Variants in BFSP2 observed in about 807,000 individuals in gnomAD.
BFSP2 encodes beaded filament structural protein 2.
In BFSP2, 38 loss-of-function variants were observed where a neutral mutation model predicts 44.9. That is an observed-to-expected ratio of 0.85 (90% confidence interval 0.65 to 1.11). The LOEUF (loss-of-function observed/expected upper bound fraction) is 1.11. Ranked by LOEUF, BFSP2 falls within the 50% of genes least tolerant of loss-of-function variation. The pLI is 0.00. For synonymous variants in BFSP2, 197 were observed against 209.9 expected, an observed-to-expected ratio of 0.94 and a Z score of 0.53; for missense variants, 525 against 533.0, an observed-to-expected ratio of 0.99 and a Z score of 0.15.
intron 1 of BFSP2, among the ~76,000 whole-genome samples, chr3:133,412,087 G>A (rs1182574745): frequency 1.3e-5 from 2 of 152,188 alleles, no homozygotes; most frequent in African/African-American, 2.4e-5. Context: ...TGCCAGTACA[G>A]GCTGAAATAT....
At chr3:133,452,315 C>T (rs111625650) in intron 4 of BFSP2, among the ~76,000 whole-genome samples, 2,414 of 152,290 alleles carry the variant, frequency 0.016, 68 homozygotes, top group African/African-American at 0.055. Flanking sequence ...GCCTAGAAAA[C>T]ATCCTTTCAC....
At chr3:133,446,175 C>G (rs1216983463) in intron 1 of BFSP2, among the ~76,000 whole-genome samples, 1 of 152,148 alleles carries the variant, frequency 6.6e-6, no homozygotes, top group Non-Finnish European at 1.5e-5. Flanking sequence ...AACCCCAGGA[C>G]TCTGGGAGGC....
intron 1 of BFSP2, among the ~76,000 whole-genome samples, chr3:133,424,449 G>C (rs1475075753): frequency 6.6e-6 from 1 of 151,946 alleles, no homozygotes; most frequent in Non-Finnish European, 1.5e-5. Flanking sequence ...GTGGAGCTTA[G>C]GTCAGACCTT....
intron 1 of BFSP2, among the ~76,000 whole-genome samples, chr3:133,415,022 CT>C (rs964123357): frequency 7.2e-6 from 1 of 138,462 alleles, no homozygotes; most frequent in African/African-American, 2.8e-5. Context: ...ACTCACCCCC[CT>C]ACTCATCCCT....
At chr3:133,405,399 T>A (rs2073395822) in intron 1 of BFSP2, among the ~76,000 whole-genome samples, 1 of 152,062 alleles carries the variant, frequency 6.6e-6, no homozygotes, top group African/African-American at 2.4e-5. Flanking sequence ...CGTCTTTCTG[T>A]CCCTTGCACA....
chr3:133,465,390 G>A (rs146881469), intron 4 of BFSP2, among the ~76,000 whole-genome samples: 3 of 152,256 alleles, frequency 2.0e-5, no homozygotes, highest in Non-Finnish European at 4.4e-5. Context: ...TGGTAAAAAT[G>A]GTAATTCCAG....
intron 1 of BFSP2, among the ~76,000 whole-genome samples, chr3:133,401,474 G>A (rs987161232): frequency 6.6e-6 from 1 of 152,230 alleles, no homozygotes; most frequent in African/African-American, 2.4e-5. Context: ...GAAGGATGCA[G>A]AGGTTTCATC....
At chr3:133,468,601 T>C (rs960718989) in intron 5 of BFSP2, among the ~76,000 whole-genome samples, 19 of 152,198 alleles carry the variant, frequency 1.2e-4, no homozygotes, top group Non-Finnish European at 1.6e-4. Context: ...CCTCATATCA[T>C]GACAGCCTGA....
rs532736235 is a variant in BFSP2, at chr3:133,444,289, T to C, written c.490-3028T>C. Among the ~76,000 whole-genome samples the C allele has an allele frequency of 1.2e-4, 18 of 152,270 alleles. No individual in the cohort carries two copies. The East Asian group carries it at 3.3e-3, about 28-fold the overall frequency. On this transcript the variant is annotated intron_variant, in intron 1 of 6. Transcript: ENST00000302334. ...CAATGATGATAATGGCTACCGTTCA[T>C]GCAATATTTACTCTGTGCCAGGCAA...
intron 2 of BFSP2, 151 bp from the exon 3 acceptor site, chr3:133,448,338 T>C: frequency 1.0e-6 from 1 of 979,536 alleles, no homozygotes; most frequent in Non-Finnish European, 1.5e-6. Context: ...GTGTGACAAC[T>C]GCACTAACAG....
chr3:133,426,813 C>T (rs531545996), intron 1 of BFSP2, among the ~76,000 whole-genome samples: 1 of 152,362 alleles, frequency 6.6e-6, no homozygotes, highest in East Asian at 1.9e-4. Context: ...TCTGCCCTGA[C>T]ACCCTACGTG....
intron 1 of BFSP2, among the ~76,000 whole-genome samples, chr3:133,406,556 G>T (rs564341601): frequency 1.3e-5 from 2 of 152,048 alleles, no homozygotes; most frequent in Admixed American, 6.5e-5. Flanking sequence ...TAGCCTTGCC[G>T]CTTGCCATCT....
chr3:133,460,897 G>C (rs747323235), intron 4 of BFSP2, among the ~76,000 whole-genome samples: 1 of 152,226 alleles, frequency 6.6e-6, no homozygotes, highest in Admixed American at 6.5e-5. Context: ...CAGAGTGCTC[G>C]AGTGACTTGC....
At position 133,400,108 on chromosome 3, in the gene BFSP2, G is replaced by A. The variant is rs749050992; in HGVS notation, c.25G>A (p.Asp9Asn). Residue 9 changes from aspartate (D) to asparagine (N), a missense_variant, in exon 1 of 7, where the codon GAC becomes AAC. Transcript: ENST00000302334. The surrounding 1 kb of genome is among the most constrained non-coding windows in gnomAD (Gnocchi z 4.0). ...GATGAGTGAGAGGCGAGTGGTAGTG[G>A]ACTTGCCCACCAGTGCCAGCTCCAG... Reference protein sequence around the residue: MSERRVVVDLPTSASSSMP... With the variant: MSERRVVVNLPTSASSSMP... 1 of 1,614,184 alleles carries A rather than the reference G, an allele frequency of 6.2e-7. No homozygotes were observed.
chr3:133,408,205 A>G (rs2073420084), intron 1 of BFSP2, among the ~76,000 whole-genome samples: 1 of 152,220 alleles, frequency 6.6e-6, no homozygotes, highest in Non-Finnish European at 1.5e-5. Context: ...TTATTTTTAA[A>G]TGTTAGAGAT....
At position 133,448,620 on chromosome 3, in the gene BFSP2, G is replaced by C. The variant is rs1028499563; in HGVS notation, c.704G>C (p.Gly235Ala). The C allele has an allele frequency of 6.2e-7, 1 of 1,613,760 alleles. No homozygotes were observed. Among genetic ancestry groups the C allele is most frequent in the African/African-American group, 1.3e-5 (1 of 74,894 alleles). Residue 235 changes from glycine (G) to alanine (A), a missense_variant, in exon 3 of 7, where the codon GGC becomes GCC. By Grantham distance (60) the Gly-to-Ala change is moderately conservative (BLOSUM62 0). Coordinates refer to ENST00000302334, the MANE Select transcript of BFSP2 (RefSeq NM_003571.4). The stretch of plus-strand genomic sequence containing the variant: ...ATAGAAAGTCTGAAAGAAGAACTTG[G>C]CTCTCTATCAAGAAACTATGAAGAG... ...SQIESLKEEL[G>A]SLSRNYEEDV...
chr3:133,458,692 T>C (rs2074035167), intron 4 of BFSP2, among the ~76,000 whole-genome samples: 1 of 151,902 alleles, frequency 6.6e-6, no homozygotes, highest in African/African-American at 2.4e-5. Flanking sequence ...TGAGACTTTG[T>C]CTCAAAAAAA....
At chr3:133,466,342 A>G (rs1032573343) in intron 4 of BFSP2, among the ~76,000 whole-genome samples, 1 of 152,024 alleles carries the variant, frequency 6.6e-6, no homozygotes, top group Non-Finnish European at 1.5e-5. Context: ...TTCAAAATAA[A>G]TACATTTTTG....
chr3:133,439,814 C>A (rs1263658598), intron 1 of BFSP2, among the ~76,000 whole-genome samples: 6 of 152,116 alleles, frequency 3.9e-5, no homozygotes, highest in Non-Finnish European at 1.5e-5. Flanking sequence ...AAGGTTCATT[C>A]CGGAGCACAG....
Sources: allele counts gnomAD v4.1 joint callset (sites outside exome capture counted in the v4.1 genomes callset), GRCh38; gene constraint gnomAD v4.1.1; non-coding constraint Gnocchi (gnomAD v3.1); transcripts MANE v1.5; gene names NCBI Gene and HGNC (gene_info 2026-07-23, HGNC 2026-07-21).